Variants in DOP1B observed in about 807,000 individuals in gnomAD.
DOP1B encodes protein DOP1B.
In DOP1B, 174 loss-of-function variants were observed where a neutral mutation model predicts 233.5. That is an observed-to-expected ratio of 0.75 (90% confidence interval 0.66 to 0.85). DOP1B has a LOEUF of 0.85. DOP1B is among the 40% of genes least tolerant of loss of function. The pLI, the probability that DOP1B is intolerant of heterozygous loss-of-function variation, is 0.00. For synonymous variants in DOP1B, 1,190 were observed against 1,185.6 expected (o/e 1.00, Z -0.08); for missense variants, 2,652 against 2,846.6 (o/e 0.93, Z 1.56).
Position 36,260,733 on chromosome 21 carries a change from G to GT in DOP1B, c.5315+2dup. The GT allele has an allele frequency of 6.2e-7, 1 of 1,613,920 alleles. No homozygotes were observed. Among genetic ancestry groups the GT allele is most frequent in the Non-Finnish European group, 8.5e-7 (1 of 1,179,952 alleles). ...AGTTTTGCTATGCTTTTCTCCAAAG[G>GT]TAATACAGTCCCCCGTCCTCCAAAA... On this transcript the variant is annotated splice_donor_variant, in intron 24 of 36. Transcript: ENST00000691173. LOFTEE classifies it high-confidence loss of function.
chr21:36,190,786 A>G (rs1306201600), intron 2 of DOP1B, among the ~76,000 whole-genome samples: 9 of 152,212 alleles, frequency 5.9e-5, no homozygotes, highest in African/African-American at 1.7e-4. Flanking sequence ...CTGGCCAGCC[A>G]GTTTGGGTTT....
rs761857765 is a variant in DOP1B at position 36,293,615 on chromosome 21, C to T, written c.*44C>T. 1.9e-6 allele frequency: 3 copies of T among 1,589,680 alleles called. No individual in the cohort carries two copies. Among genetic ancestry groups the T allele is most frequent in the Non-Finnish European group, 2.6e-6 (3 of 1,161,986 alleles). On this transcript the variant is annotated 3_prime_UTR_variant, in exon 37 of 37. Transcript: ENST00000691173. ...GTTTAATCCATGTATTGGTACTTTA[C>T]TGAAAACCAGGTTATATTCTAAAGA...
chr21:36,209,887 G>A (rs2066473994), intron 5 of DOP1B, among the ~76,000 whole-genome samples: 1 of 152,188 alleles, frequency 6.6e-6, no homozygotes, highest in South Asian at 2.1e-4. Flanking sequence ...ATCTGCAGCT[G>A]AGTGTGAATT....
chr21:36,246,042 G>A lies in DOP1B; in HGVS notation c.4062G>A (p.Arg1354=), dbSNP rs1257592491. Reference sequence around the variant, plus strand: ...TCAAAAGTGTCGAGGTTTTGATCAGGATAATGATGCAGCTGGTCTCAGTGG... The same window carrying A: ...TCAAAAGTGTCGAGGTTTTGATCAGAATAATGATGCAGCTGGTCTCAGTGG... ...VQVKSVEVLI[R]IMMQLVSVAK... The change falls in exon 19 of 37, where the codon AGG becomes AGA. Residue 1354 remains arginine (R), a synonymous_variant. Transcript: ENST00000691173. This position sits in a 1 kb window ranked among gnomAD's most constrained non-coding sequence, Gnocchi z 5.1. 3 of 1,613,928 alleles carry A rather than the reference G, an allele frequency of 1.9e-6. No homozygotes were observed. The highest frequency in any genetic ancestry group is 1.3e-5 in the African/African-American group (1 of 74,884).
chr21:36,270,552 CA>C (rs398040600), intron 27 of DOP1B, among the ~76,000 whole-genome samples: 6,128 of 36,200 alleles, frequency 0.17, 60 homozygotes, highest in East Asian at 0.26. Context: ...GACTCCGTCT[CA>C]AAAAAAAAAA....
At position 36,211,659 on chromosome 21, in the gene DOP1B, A is replaced by G. The variant is rs1569023877; in HGVS notation, c.780+8A>G. On this transcript the variant is annotated splice_region_variant and intron_variant, in intron 6 of 36. Coordinates refer to ENST00000691173, the MANE Select transcript of DOP1B (RefSeq NM_001320714.2). ...CCATTTTATACCTGTCTGGTAAGTAATTTGTACTCTTCTGGTAAGTCACTG... is the reference window on the plus strand; with the variant it reads ...CCATTTTATACCTGTCTGGTAAGTAGTTTGTACTCTTCTGGTAAGTCACTG... 1 of 1,612,872 alleles carries G rather than the reference A, an allele frequency of 6.2e-7. No homozygotes were observed. The highest frequency in any genetic ancestry group is 2.2e-5 in the East Asian group (1 of 44,866).
Position 36,211,948 on chromosome 21 carries a change from A to G in DOP1B, c.781-26A>G, listed in dbSNP as rs748477059. 3.7e-6 allele frequency: 6 copies of G among 1,613,700 alleles called. No homozygotes were observed. In the East Asian group the frequency reaches 6.7e-5, roughly 18 times the overall value. ...GCAATCTGCCCTATCATTCCCTTGCAGTAAATTTCTCTGTCCTTCTAATAG... is the reference window on the plus strand; with the variant it reads ...GCAATCTGCCCTATCATTCCCTTGCGGTAAATTTCTCTGTCCTTCTAATAG... On this transcript the variant is annotated intron_variant, in intron 6 of 36. Coordinates refer to ENST00000691173, the MANE Select transcript of DOP1B (RefSeq NM_001320714.2).
chr21:36,201,155 A>G lies in DOP1B; in HGVS notation c.491+654A>G, dbSNP rs566595135. Among the ~76,000 whole-genome samples the G allele has an allele frequency of 1.2e-4, 18 of 152,148 alleles. No individual in the cohort carries two copies. The East Asian group carries it at 2.1e-3, about 18-fold the overall frequency. Reference sequence around the variant, plus strand: ...TACCCTCTTAGGGCGCCTAGTGTGGAGGAAATGAAGGGACCCTTTCCTGGG... The same window carrying G: ...TACCCTCTTAGGGCGCCTAGTGTGGGGGAAATGAAGGGACCCTTTCCTGGG... On this transcript the variant is annotated intron_variant, in intron 4 of 36. Transcript: ENST00000691173.
intron 32 of DOP1B, among the ~76,000 whole-genome samples, chr21:36,283,457 A>G (rs2067442340): frequency 2.0e-5 from 3 of 152,250 alleles, no homozygotes; most frequent in African/African-American, 4.8e-5. Flanking sequence ...ATGCAATAAT[A>G]AAACACCTTT....
Position 36,279,994 on chromosome 21 carries a change from G to A in DOP1B, c.5970-291G>A, listed in dbSNP as rs558252571. Among the ~76,000 whole-genome samples, 6 of 152,262 alleles carry A rather than the reference G, an allele frequency of 3.9e-5. No homozygotes were observed. The East Asian group carries it at 9.7e-4, about 25-fold the overall frequency. ...GGGTTCAAGCGATTCTCCTGCCTCA[G>A]CCTCCTGAGTAGCTGGGATTACAGG... is the stretch of plus-strand genomic sequence containing the variant. On this transcript the variant is annotated intron_variant, in intron 30 of 36. Coordinates refer to ENST00000691173, the MANE Select transcript of DOP1B (RefSeq NM_001320714.2).
At position 36,270,164 on chromosome 21, in the gene DOP1B, G is replaced by A. The variant is rs756516003; in HGVS notation, c.5632+7G>A. 4 of 1,612,966 alleles carry A rather than the reference G, an allele frequency of 2.5e-6. No individual in the cohort carries two copies. Among genetic ancestry groups the A allele is most frequent in the Non-Finnish European group, 3.4e-6 (4 of 1,179,602 alleles). ...GCTGAGGAGGACCTGTATGGTAGGT[G>A]GAGATGGGTTGGCTGATAGTGCCTC... On this transcript the variant is annotated splice_region_variant and intron_variant, in intron 27 of 36. Coordinates refer to ENST00000691173, the MANE Select transcript of DOP1B (RefSeq NM_001320714.2).
chr21:36,257,443 C>T lies in DOP1B; in HGVS notation c.5260-3234C>T, dbSNP rs182056165. 2.8e-3 allele frequency among the ~76,000 whole-genome samples: 419 copies of T among 152,304 alleles called. 1 individual carries two copies. Among genetic ancestry groups the T allele is most frequent in the African/African-American group, 9.4e-3 (392 of 41,570 alleles). On this transcript the variant is annotated intron_variant, in intron 23 of 36. Coordinates refer to ENST00000691173, the MANE Select transcript of DOP1B (RefSeq NM_001320714.2). The stretch of plus-strand genomic sequence containing the variant: ...GCCTGTCTGCACAGCACTGCTTCCT[C>T]CAGGGTGTGGGACAGGACCCTCTCC...
At chr21:36,236,019 G>A (rs1184983040) in intron 15 of DOP1B, among the ~76,000 whole-genome samples, 2 of 152,138 alleles carry the variant, frequency 1.3e-5, no homozygotes. Flanking sequence ...AGAGAAAGAC[G>A]GTTTTGTTGA....
intron 7 of DOP1B, among the ~76,000 whole-genome samples, chr21:36,212,576 G>T (rs566937942): frequency 6.6e-6 from 1 of 152,208 alleles, no homozygotes; most frequent in Admixed American, 6.5e-5. Flanking sequence ...CTGTGTGTCA[G>T]AGTGTGTGGA....
At chr21:36,236,217 C>T (rs2066824209) in intron 15 of DOP1B, among the ~76,000 whole-genome samples, 1 of 152,238 alleles carries the variant, frequency 6.6e-6, no homozygotes, top group African/African-American at 2.4e-5. Flanking sequence ...GGCACACTGG[C>T]TCCTGCTCCC....
At chr21:36,177,370 C>T (rs1234343018) in intron 2 of DOP1B, among the ~76,000 whole-genome samples, 3 of 152,134 alleles carry the variant, frequency 2.0e-5, no homozygotes, top group African/African-American at 4.8e-5. Flanking sequence ...ATATGCTTTT[C>T]GATAATTTGT....
rs770507794 is a variant in DOP1B, at chr21:36,231,068, A to G, written c.2284A>G (p.Thr762Ala). 3.1e-6 allele frequency: 5 copies of G among 1,613,674 alleles called. No homozygotes were observed. Among genetic ancestry groups the G allele is most frequent in the Middle Eastern group, 1.6e-4 (1 of 6,062 alleles). ...CTGCCACCTGCTGCTGGATTGTGCC[A>G]CTTTCCCTGTCTACCTGTCCGAGGA... ...AACHLLLDCA[T>A]FPVYLSEEET... Residue 762 changes from threonine to alanine, a missense_variant, in exon 14 of 37, where the codon ACT (threonine) becomes GCT (alanine). Thr to Ala is a moderately conservative substitution (Grantham distance 58). Around this residue, in one of 3 missense-constraint regions of DOP1B, gnomAD observed 2,617 missense variants for 2,794.3 expected, o/e 0.94. Coordinates refer to ENST00000691173, the MANE Select transcript of DOP1B (RefSeq NM_001320714.2).
intron 23 of DOP1B, among the ~76,000 whole-genome samples, chr21:36,259,264 C>CTTTTT (rs11411588): frequency 7.3e-6 from 1 of 136,632 alleles, no homozygotes. Context: ...TGCGCCCGGG[C>CTTTTT]TTTTTTTTTT....
rs746938685 is a variant in DOP1B, at chr21:36,225,631, C to T, written c.1437C>T (p.Cys479=). The T allele has an allele frequency of 1.9e-5, 30 of 1,614,064 alleles. No individual in the cohort carries two copies. In the South Asian group the frequency reaches 2.1e-4, roughly 11 times the overall value. The part of the protein sequence containing the change: ...VSPPPTVSEL[C]ALLVFLLDVI... Reference sequence around the variant, plus strand: ...CTCCCCCCACGGTCTCGGAGCTCTGCGCCCTCCTGGTCTTCCTGCTGGATG... The same window carrying T: ...CTCCCCCCACGGTCTCGGAGCTCTGTGCCCTCCTGGTCTTCCTGCTGGATG... Residue 479 remains cysteine (C), a synonymous_variant, in exon 12 of 37, where the codon TGC becomes TGT. Coordinates refer to ENST00000691173, the MANE Select transcript of DOP1B (RefSeq NM_001320714.2).
Sources: allele counts gnomAD v4.1 joint callset (sites outside exome capture counted in the v4.1 genomes callset), GRCh38; gene constraint gnomAD v4.1.1; regional missense constraint gnomAD v4.1.1; non-coding constraint Gnocchi (gnomAD v3.1); transcripts MANE v1.5; gene names NCBI Gene and HGNC (gene_info 2026-07-23, HGNC 2026-07-21).